The following RFX4 variants were observed in gnomAD, a reference collection of about 807,000 sequenced individuals.
The protein encoded by RFX4 is regulatory factor X4.
In RFX4, 10 loss-of-function variants were observed where a neutral mutation model predicts 95.0. The ratio of observed to expected loss-of-function variants is 0.11; its 90% CI spans 0.06 to 0.18. The LOEUF (loss-of-function observed/expected upper bound fraction) is 0.18, where lower values mean the gene tolerates loss of function less well. Among genes scored for constraint, RFX4 ranks in the 10% least tolerant of loss-of-function variants. The probability of loss-of-function intolerance (pLI) is 1.00; values close to 1 mark genes in which losing one functional copy is unlikely to be tolerated. For missense variants in RFX4, 640 were observed against 922.0 expected (o/e 0.69, Z 3.96); for synonymous variants, 321 against 340.7 (o/e 0.94, Z 0.64).
intron 4 of RFX4, among the ~76,000 whole-genome samples, chr12:106,658,183 T>C (rs1280743906): frequency 6.6e-6 from 1 of 152,208 alleles, no homozygotes; most frequent in East Asian, 1.9e-4. Context: ...TGAATCACTT[T>C]TACGTATGTG....
chr12:106,745,627 G>T (rs114415227), intron 15 of RFX4, among the ~76,000 whole-genome samples: 1 of 152,232 alleles, frequency 6.6e-6, no homozygotes, highest in African/African-American at 2.4e-5. Context: ...GGGATGGAAT[G>T]GACTAATTTT....
At chr12:106,738,704 T>C (rs1366133989) in intron 15 of RFX4, among the ~76,000 whole-genome samples, 1 of 152,196 alleles carries the variant, frequency 6.6e-6, no homozygotes, top group Non-Finnish European at 1.5e-5. Context: ...GTACCACTTT[T>C]GAAATACTCC....
intron 1 of RFX4, among the ~76,000 whole-genome samples, chr12:106,601,799 C>T (rs993534961): frequency 3.3e-5 from 5 of 152,220 alleles, no homozygotes; most frequent in Non-Finnish European, 4.4e-5. Context: ...CACAGGTCGG[C>T]GAACTCTTCA....
chr12:106,749,437 A>G (rs752635763), intron 16 of RFX4, among the ~76,000 whole-genome samples: 5 of 151,510 alleles, frequency 3.3e-5, no homozygotes. Flanking sequence ...GACAGTGGGC[A>G]CAGGCCTGGA....
intron 15 of RFX4, among the ~76,000 whole-genome samples, chr12:106,744,714 C>T (rs564079977): frequency 2.4e-4 from 36 of 152,304 alleles, no homozygotes; most frequent in Middle Eastern, 3.4e-3. Context: ...AGAGACACAA[C>T]GGTAGAGAGT....
chr12:106,750,896 G>C lies in RFX4; in HGVS notation c.1935+103G>C, dbSNP rs917859556. ...GTTATGCATACTGTGTGTGCAGCGT[G>C]TGTGTCCCCAAGGAGAGGACAGTCT... On this transcript the variant is annotated intron_variant, in intron 17 of 17. Coordinates refer to ENST00000392842, the MANE Select transcript of RFX4 (RefSeq NM_213594.3). The C allele has an allele frequency of 4.6e-6, 5 of 1,085,890 alleles. No homozygotes were observed. In the African/African-American group the frequency reaches 4.9e-5, roughly 11 times the overall value. The allele number at this position is 1,085,890 out of a possible 1,614,324, so 67.3% of individuals were successfully genotyped here. A position where few individuals can be genotyped will look rare whatever the true frequency, so the allele number is the denominator to read the frequency against.
intron 15 of RFX4, among the ~76,000 whole-genome samples, chr12:106,738,585 T>C (rs1247817368): frequency 6.6e-6 from 1 of 152,250 alleles, no homozygotes; most frequent in Non-Finnish European, 1.5e-5. Flanking sequence ...TCTCTTCAGA[T>C]GATTTTAAGC....
rs149043501 is a variant in RFX4, at chr12:106,586,261, C to G, written c.43+2898C>G. On this transcript the variant is annotated intron_variant, in intron 1 of 17. Coordinates refer to ENST00000392842, the MANE Select transcript of RFX4 (RefSeq NM_213594.3). The surrounding 1 kb of genome is among the most constrained non-coding windows in gnomAD (Gnocchi z 5.6). ...GCGCAGGCGCGCGTCCCGCTCGGCCCGCGCTACAGCCCCACGCCGCGCAAA... is the reference window on the plus strand; with the variant it reads ...GCGCAGGCGCGCGTCCCGCTCGGCCGGCGCTACAGCCCCACGCCGCGCAAA... 1.1e-3 allele frequency among the ~76,000 whole-genome samples: 161 copies of G among 152,194 alleles called. 4 individuals carry two copies. In the East Asian group the frequency reaches 0.027, roughly 25 times the overall value.
At chr12:106,689,461 A>G (rs1004448172) in intron 7 of RFX4, 97 bp downstream of exon 7, 37 of 964,744 alleles carry the variant, frequency 3.8e-5, no homozygotes, top group Non-Finnish European at 5.8e-5. Flanking sequence ...CAGGCCTGGC[A>G]TCTGGAAGCC....
intron 15 of RFX4, among the ~76,000 whole-genome samples, chr12:106,741,663 G>A (rs2042805610): frequency 1.3e-5 from 2 of 152,332 alleles, no homozygotes; most frequent in Non-Finnish European, 2.9e-5. Context: ...AACAAAAGGC[G>A]TAGGTTAGGT....
intron 4 of RFX4, among the ~76,000 whole-genome samples, chr12:106,676,482 T>C (rs1290415890): frequency 6.6e-6 from 1 of 152,216 alleles, no homozygotes; most frequent in Non-Finnish European, 1.5e-5. Context: ...AGACAGGTAA[T>C]GATCTGCATC....
intron 17 of RFX4, among the ~76,000 whole-genome samples, chr12:106,751,201 C>A (rs1477403312): frequency 6.6e-6 from 1 of 151,124 alleles, no homozygotes; most frequent in Non-Finnish European, 1.5e-5. Flanking sequence ...GTTTTTTGTT[C>A]TTGCGATAAT....
At chr12:106,705,655 G>A (rs937810369) in intron 8 of RFX4, among the ~76,000 whole-genome samples, 1 of 152,124 alleles carries the variant, frequency 6.6e-6, no homozygotes, top group African/African-American at 2.4e-5. Context: ...GGTAAGCAAG[G>A]GCCTGAAGTG....
chr12:106,755,002 A>G (rs2043083185), intron 17 of RFX4, among the ~76,000 whole-genome samples: 1 of 152,346 alleles, frequency 6.6e-6, no homozygotes, highest in Admixed American at 6.5e-5. Context: ...CTAAAGACAA[A>G]GTATCCTTTG....
chr12:106,666,421 C>G (rs1296482044), intron 4 of RFX4, among the ~76,000 whole-genome samples: 1 of 152,052 alleles, frequency 6.6e-6, no homozygotes, highest in Non-Finnish European at 1.5e-5. Context: ...TTGGTGTTCT[C>G]TTAGCTTTCT....
At chr12:106,687,556 A>AC (rs2041685801) in intron 6 of RFX4, among the ~76,000 whole-genome samples, 1 of 152,036 alleles carries the variant, frequency 6.6e-6, no homozygotes, top group African/African-American at 2.4e-5. Flanking sequence ...TCTCAAAAAA[A>AC]AAAAAAAAAG....
intron 9 of RFX4, among the ~76,000 whole-genome samples, chr12:106,710,714 G>T (rs1462460480): frequency 6.6e-6 from 1 of 152,192 alleles, no homozygotes; most frequent in Non-Finnish European, 1.5e-5. Flanking sequence ...TTCCCAGGGA[G>T]CCCAGCCTGG....
chr12:106,717,557 C>T (rs1054852522), intron 11 of RFX4, among the ~76,000 whole-genome samples: 23 of 152,200 alleles, frequency 1.5e-4, no homozygotes, highest in African/African-American at 5.1e-4. Context: ...GAAGTAAATG[C>T]TGTGGTTCAG....
In RFX4 at chr12:106,588,735, G is replaced by A. The variant is rs531100894; in HGVS notation, c.43+5372G>A. Among the ~76,000 whole-genome samples, 36 of 152,246 alleles carry A rather than the reference G, an allele frequency of 2.4e-4. 1 individual carries two copies. The East Asian group carries it at 5.0e-3, about 21-fold the overall frequency. ...ACCTCTCAATTATATGCCTGTGTCC[G>A]CGTTTGTGTTCTGACATCTATGTCA... On this transcript the variant is annotated intron_variant, in intron 1 of 17. Coordinates refer to ENST00000392842, the MANE Select transcript of RFX4 (RefSeq NM_213594.3).
Sources: allele counts gnomAD v4.1 joint callset (sites outside exome capture counted in the v4.1 genomes callset), GRCh38; gene constraint gnomAD v4.1.1; non-coding constraint Gnocchi (gnomAD v3.1); transcripts MANE v1.5; gene names NCBI Gene and HGNC (gene_info 2026-07-23, HGNC 2026-07-21).